Variants in CCDC117 observed in about 807,000 individuals in gnomAD.
CCDC117 encodes coiled-coil domain-containing protein 117.
A neutral mutation model predicts 23.5 loss-of-function variants in CCDC117; 1 was observed. The ratio of observed to expected loss-of-function variants is 0.04; its 90% confidence interval spans 0.02 to 0.20. The LOEUF is 0.20. CCDC117 is among the 10% of genes least tolerant of loss of function. The pLI, the probability that CCDC117 is intolerant of heterozygous loss-of-function variation, is 1.00. For synonymous variants in CCDC117, 132 were observed against 124.8 expected (o/e 1.06, Z -0.39); for missense variants, 383 against 348.2 (o/e 1.10, Z -0.80).
chr22:28,773,822 T>C (rs200385760), intron 2 of CCDC117, 44 bp downstream of exon 2: 10 of 1,453,640 alleles, frequency 6.9e-6, no homozygotes, highest in Admixed American at 1.7e-5. Context: ...TCACCGTTAG[T>C]TGAACCCCTG....
At chr22:28,782,142 T>C (rs36112964) in intron 3 of CCDC117, among the ~76,000 whole-genome samples, 17,341 of 151,452 alleles carry the variant, frequency 0.11, 1,161 homozygotes, top group South Asian at 0.28. Context: ...TTCGCCATGT[T>C]GCCCAAGCTG....
chr22:28,786,389 C>T lies in CCDC117; in HGVS notation c.*63C>T. On this transcript the variant is annotated 3_prime_UTR_variant, in exon 5 of 5. Transcript: ENST00000249064. ...GAATCCTGTGTTCAGTTATGAGACTCTTTGCATAGTATAGGGACTTGAAAG... is the reference window on the plus strand; with the variant it reads ...GAATCCTGTGTTCAGTTATGAGACTTTTTGCATAGTATAGGGACTTGAAAG... The T allele has an allele frequency of 1.7e-6, 2 of 1,189,090 alleles. No homozygotes were observed. Among genetic ancestry groups the T allele is most frequent in the South Asian group, 1.3e-5 (1 of 75,950 alleles). 73.7% of individuals were successfully genotyped at this position (1,189,090 alleles called of 1,614,324 possible).
rs978227069 is a variant in CCDC117, at chr22:28,772,861, C to G, written c.12C>G (p.Leu4=). The G allele has an allele frequency of 1.3e-5, 16 of 1,232,824 alleles. No homozygotes were observed. In the East Asian group the frequency reaches 4.8e-4, roughly 37 times the overall value. 76.4% of individuals were successfully genotyped at this position (1,232,824 alleles called of 1,614,324 possible). The change falls in exon 1 of 5, where the codon CTC becomes CTG. Residue 4 remains leucine, a synonymous_variant. Coordinates refer to ENST00000249064, the MANE Select transcript of CCDC117 (RefSeq NM_173510.4). MAA[L]GRPFSGLPLS... is the part of the protein sequence containing the mutation. ...TCGTCTCGCCGGCTATGGCTGCGCT[C>G]GGCCGGCCCTTCAGCGGCCTCCCTC...
intron 3 of CCDC117, among the ~76,000 whole-genome samples, chr22:28,781,704 T>C (rs1380771316): frequency 1.3e-5 from 2 of 151,226 alleles, no homozygotes; most frequent in Non-Finnish European, 3.0e-5. Flanking sequence ...AGTGCAGTGG[T>C]GCCATCTTGG....
In CCDC117 at chr22:28,782,250, C is replaced by CTTTTTTTT. The variant is rs34670753; in HGVS notation, c.464+1097_464+1104dup. 2.9e-3 allele frequency among the ~76,000 whole-genome samples: 229 copies of CTTTTTTTT among 80,318 alleles called. 28 individuals are homozygous for CTTTTTTTT. Among genetic ancestry groups the CTTTTTTTT allele is most frequent in the African/African-American group, 0.013 (219 of 16,476 alleles). The allele number at this position is 80,318 out of a possible 152,430, so 52.7% of individuals were successfully genotyped here. Reference sequence around the variant, plus strand: ...ACTGTGCCGGGCCAGTCTACTGAGCCTTTTTTTTTTTTTTTTTTTTTTTTT... The same window carrying CTTTTTTTT: ...ACTGTGCCGGGCCAGTCTACTGAGCCTTTTTTTTTTTTTTTTTTTTTTTTTTTTTTTTT... On this transcript the variant is annotated intron_variant, in intron 3 of 4. Transcript: ENST00000249064.
intron 2 of CCDC117, among the ~76,000 whole-genome samples, chr22:28,779,275 C>G (rs995741150): frequency 6.6e-6 from 1 of 152,066 alleles, no homozygotes; most frequent in Admixed American, 6.6e-5. Flanking sequence ...AATCTTGGCT[C>G]ACTGCAACCT....
chr22:28,777,459 G>T (rs1254711269), intron 2 of CCDC117, among the ~76,000 whole-genome samples: 1 of 150,906 alleles, frequency 6.6e-6, no homozygotes, highest in Non-Finnish European at 1.5e-5. Context: ...TTTAGATTGT[G>T]ATTTAATTTA....
intron 4 of CCDC117, among the ~76,000 whole-genome samples, chr22:28,784,771 TTTG>T (rs996954836): frequency 1.5e-4 from 23 of 152,044 alleles, no homozygotes; most frequent in Non-Finnish European, 1.9e-4. Flanking sequence ...TCTCGTTTTT[TTTG>T]TTGTTGTTGT....
At chr22:28,776,425 T>C (rs1347919750) in intron 2 of CCDC117, among the ~76,000 whole-genome samples, 1 of 151,312 alleles carries the variant, frequency 6.6e-6, no homozygotes, top group Non-Finnish European at 1.5e-5. Context: ...TTGTATATCT[T>C]TTCTTTTTTT....
chr22:28,773,921 T>C (rs887381506), intron 2 of CCDC117, 143 bp downstream of exon 2: 1 of 701,498 alleles, frequency 1.4e-6, no homozygotes, highest in African/African-American at 1.8e-5. Context: ...TTGGTTGTCT[T>C]TTAGAGAAAG....
intron 2 of CCDC117, among the ~76,000 whole-genome samples, chr22:28,774,070 G>C: frequency 7.9e-6 from 1 of 126,116 alleles, no homozygotes; most frequent in East Asian, 2.3e-4. Flanking sequence ...TTTTGTTTTT[G>C]TTTTTTTTTT....
Position 28,775,812 on chromosome 22 carries a change from G to A in CCDC117, c.239+2034G>A, listed in dbSNP as rs149377443. Among the ~76,000 whole-genome samples the A allele has an allele frequency of 6.7e-4, 102 of 152,136 alleles. No individual in the cohort carries two copies. The East Asian group carries it at 0.017, about 25-fold the overall frequency. On this transcript the variant is annotated intron_variant, in intron 2 of 4. Transcript: ENST00000249064. ...CTCGGGAGGCTGAGGCAGGAGAATC[G>A]TTTGAACCTGGGCGGCAGAGGTTGC...
chr22:28,775,956 C>G (rs979903546), intron 2 of CCDC117, among the ~76,000 whole-genome samples: 1 of 152,118 alleles, frequency 6.6e-6, no homozygotes, highest in Admixed American at 6.6e-5. Flanking sequence ...AATAAAAAAG[C>G]GTTCAACCTC....
rs940546243 is a variant in CCDC117, at chr22:28,784,385, G to A, written c.602+740G>A. The stretch of plus-strand genomic sequence containing the variant: ...CGTGAAGCCTCCGTGATCTCAAATT[G>A]TCATTATTCACTATGTAAAATAGTA... On this transcript the variant is annotated intron_variant, in intron 4 of 4. Coordinates refer to ENST00000249064, the MANE Select transcript of CCDC117 (RefSeq NM_173510.4). Among the ~76,000 whole-genome samples, 4 of 152,212 alleles carry A rather than the reference G, an allele frequency of 2.6e-5. No homozygotes were observed. The South Asian group carries it at 8.3e-4, about 31-fold the overall frequency.
rs1156479612 is a variant in CCDC117 at position 28,787,782 on chromosome 22, TG to T, written c.*1458del. 2.0e-5 allele frequency: 3 copies of T among 152,314 alleles called. No homozygotes were observed. The highest frequency in any genetic ancestry group is 1.3e-4 in the Admixed American group (2 of 15,276). The allele number at this position is 152,314 out of a possible 1,614,324, so 9.4% of individuals were successfully genotyped here. On this transcript the variant is annotated 3_prime_UTR_variant, in exon 5 of 5. Transcript: ENST00000249064. ...TCTATAAGTTATTAAACGAGTGTAA[TG>T]GTATAATGCCCTTCCATCACACAAC...
In CCDC117 at chr22:28,787,937, GA is replaced by G. The variant is rs1354289211; in HGVS notation, c.*1613del. Reference sequence around the variant, plus strand: ...AGAAACCACCTTCTAGGCGTTTTTGGAACCCTTACTGAAATCCCTCCCCTTG... The same window carrying G: ...AGAAACCACCTTCTAGGCGTTTTTGGACCCTTACTGAAATCCCTCCCCTTG... On this transcript the variant is annotated 3_prime_UTR_variant, in exon 5 of 5. Coordinates refer to ENST00000249064, the MANE Select transcript of CCDC117 (RefSeq NM_173510.4). 1 of 152,554 alleles carries G rather than the reference GA, an allele frequency of 6.6e-6. No individual in the cohort carries two copies. Among genetic ancestry groups the G allele is most frequent in the Non-Finnish European group, 1.5e-5 (1 of 68,036 alleles). 9.5% of individuals were successfully genotyped at this position (152,554 alleles called of 1,614,324 possible).
intron 2 of CCDC117, among the ~76,000 whole-genome samples, chr22:28,779,457 C>T (rs1216132501): frequency 3.9e-5 from 6 of 151,970 alleles, no homozygotes; most frequent in Admixed American, 2.0e-4. Flanking sequence ...CCACCTGCCT[C>T]GGCCTCCCAA....
chr22:28,781,064 G>A lies in CCDC117; in HGVS notation c.356G>A (p.Gly119Asp). Residue 119 changes from glycine to aspartate, a missense_variant, in exon 3 of 5, where the codon GGC (glycine) becomes GAC (aspartate). Coordinates refer to ENST00000249064, the MANE Select transcript of CCDC117 (RefSeq NM_173510.4). ...EGHGVNPSVSGLSIPGILDVI... is the reference protein window; with the variant it reads ...EGHGVNPSVSDLSIPGILDVI... The stretch of plus-strand genomic sequence containing the variant: ...CATGGAGTAAATCCCAGTGTTAGTG[G>A]CCTTTCCATACCTGGGATATTAGAT... 1 of 1,613,708 alleles carries A rather than the reference G, an allele frequency of 6.2e-7. No individual in the cohort carries two copies.
At chr22:28,783,961 T>A (rs1467878947) in intron 4 of CCDC117, among the ~76,000 whole-genome samples, 2 of 152,120 alleles carry the variant, frequency 1.3e-5, no homozygotes, top group African/African-American at 4.8e-5. Context: ...AGGAACCACA[T>A]TTTAAAGGCT....
Sources: gnomAD v4.1 joint callset for allele counts (sites outside exome capture counted in the v4.1 genomes callset) on GRCh38, gnomAD v4.1.1 for gene constraint, MANE v1.5 for transcripts, NCBI Gene and HGNC (gene_info 2026-07-23, HGNC 2026-07-21) for gene names.